MAGEA10: variants seen among roughly 807,000 people sequenced by gnomAD.
MAGEA10 encodes the protein MAGE family member A10, also known as melanoma-associated antigen 10.
Under a neutral mutation model 8.6 loss-of-function variants are expected in MAGEA10, and 7 were observed. The observed-to-expected ratio is 0.82, with a 90% CI of 0.46 to 1.53. The LOEUF is 1.53. Among genes scored for constraint, MAGEA10 ranks in the 40% most tolerant of loss-of-function variants. The probability of loss-of-function intolerance (pLI) is 0.01; values close to 1 mark genes in which losing one functional copy is unlikely to be tolerated. For synonymous variants in MAGEA10, 125 were observed against 107.4 expected, an observed-to-expected ratio of 1.16 and a Z score of -1.02; for missense variants, 293 against 274.0, an observed-to-expected ratio of 1.07 and a Z score of -0.49.
chrX:152,137,337 G>A (rs942685993), intron 1 of MAGEA10, among the ~76,000 whole-genome samples: 1 of 102,691 alleles, frequency 9.7e-6, no homozygotes, highest in African/African-American at 3.6e-5. Context: ...CCTGAGACCC[G>A]GCAGGCAGAA....
chrX:152,134,479 CT>C lies in MAGEA10; in HGVS notation c.*31del. 4 of 1,115,992 alleles carry C rather than the reference CT, an allele frequency of 3.6e-6. No individual in the cohort carries two copies. The highest frequency in any genetic ancestry group is 4.8e-6 in the Non-Finnish European group (4 of 837,889). The allele number at this position is 1,115,992 out of a possible 1,213,427, so 92.0% of individuals were successfully genotyped here. ...TAAAATCATGTGGTATTTGACTTGCCTTTTAAAACACAGTGAAGAATCTGTC... is the reference window on the plus strand; with the variant it reads ...TAAAATCATGTGGTATTTGACTTGCCTTTAAAACACAGTGAAGAATCTGTC... On this transcript the variant is annotated 3_prime_UTR_variant, in exon 4 of 4. Transcript: ENST00000370323.
chrX:152,134,859 C>T lies in MAGEA10; in HGVS notation c.762G>A (p.Gly254=). ...EVIWEALNMM[G]LYDGMEHLIY... Reference sequence around the variant, plus strand: ...TGAGGTGCTCCATCCCATCATACAGCCCCATCATATTCAGTGCTTCCCAGA... The same window carrying T: ...TGAGGTGCTCCATCCCATCATACAGTCCCATCATATTCAGTGCTTCCCAGA... Residue 254 remains glycine (G), a synonymous_variant, in exon 4 of 4, where the codon GGG becomes GGA. Transcript: ENST00000370323. The T allele has an allele frequency of 1.7e-6, 2 of 1,211,389 alleles. No individual in the cohort carries two copies. Among genetic ancestry groups the T allele is most frequent in the Non-Finnish European group, 2.2e-6 (2 of 895,307 alleles).
chrX:152,134,413 A>G lies in MAGEA10; in HGVS notation c.*98T>C, dbSNP rs1936617568. Reference sequence around the variant, plus strand: ...CTGCTCTACTCTCTACTTCCATGATACCAACTTTTTTTTTTTTTTTTTTTA... The same window carrying G: ...CTGCTCTACTCTCTACTTCCATGATGCCAACTTTTTTTTTTTTTTTTTTTA... On this transcript the variant is annotated 3_prime_UTR_variant, in exon 4 of 4. Transcript: ENST00000370323. The G allele has an allele frequency of 1.4e-6, 1 of 724,672 alleles. No individual in the cohort carries two copies. The highest frequency in any genetic ancestry group is 2.3e-5 in the African/African-American group (1 of 43,125). 59.7% of individuals were successfully genotyped at this position (724,672 alleles called of 1,213,427 possible).
intron 1 of MAGEA10, among the ~76,000 whole-genome samples, chrX:152,137,841 C>T (rs1159732145): frequency 9.1e-6 from 1 of 110,398 alleles, no homozygotes; most frequent in Non-Finnish European, 1.9e-5. Context: ...GGCTGAGGTC[C>T]CCACTGATCT....
chrX:152,137,723 TCTGCTGA>T (rs1410062653), intron 1 of MAGEA10, among the ~76,000 whole-genome samples: 1 of 109,771 alleles, frequency 9.1e-6, no homozygotes, highest in African/African-American at 3.3e-5. Context: ...GACTCCTCCC[TCTGCTGA>T]CCTGAGGCTC....
rs1484703416 is a variant in MAGEA10 at position 152,134,412 on chromosome X, T to TACC, written c.*96_*98dup. ...ACTGCTCTACTCTCTACTTCCATGA[T>TACC]ACCAACTTTTTTTTTTTTTTTTTTT... On this transcript the variant is annotated 3_prime_UTR_variant, in exon 4 of 4. Transcript: ENST00000370323. 1 of 769,007 alleles carries TACC rather than the reference T, an allele frequency of 1.3e-6. No individual in the cohort carries two copies. Among genetic ancestry groups the TACC allele is most frequent in the Non-Finnish European group, 1.9e-6 (1 of 539,751 alleles). 63.4% of individuals were successfully genotyped at this position (769,007 alleles called of 1,213,427 possible).
Position 152,134,130 on chromosome X carries a change from T to TA in MAGEA10, c.*380dup, listed in dbSNP as rs1447088911. 3.7e-5 allele frequency: 5 copies of TA among 136,894 alleles called. No homozygotes were observed. The highest frequency in any genetic ancestry group is 1.6e-4 in the African/African-American group (5 of 31,493). The allele number at this position is 136,894 out of a possible 1,213,427, so 11.3% of individuals were successfully genotyped here. On this transcript the variant is annotated 3_prime_UTR_variant, in exon 4 of 4. Transcript: ENST00000370323. ...CATAAATTAAAAAAAAACAAAAACA[T>TA]AAACAAAAACTGACATGTAATTGTA...
chrX:152,134,143 A>T lies in MAGEA10; in HGVS notation c.*368T>A, dbSNP rs753677144. 6 of 148,708 alleles carry T rather than the reference A, an allele frequency of 4.0e-5. No homozygotes were observed. Among genetic ancestry groups the T allele is most frequent in the Non-Finnish European group, 7.7e-5 (6 of 78,181 alleles). The allele number at this position is 148,708 out of a possible 1,213,427, so 12.3% of individuals were successfully genotyped here. A position where few individuals can be genotyped will look rare whatever the true frequency, so the allele number is the denominator to read the frequency against. On this transcript the variant is annotated 3_prime_UTR_variant, in exon 4 of 4. Transcript: ENST00000370323. ...AAAACAAAAACATAAACAAAAACTG[A>T]CATGTAATTGTAGATATTTATGAGG...
At chrX:152,136,241 C>G (rs752862543) in intron 2 of MAGEA10, among the ~76,000 whole-genome samples, 1 of 111,443 alleles carries the variant, frequency 9.0e-6, no homozygotes, top group Non-Finnish European at 1.9e-5. Context: ...CCTGGAAAAG[C>G]CTAGACCCTG....
chrX:152,135,378 T>C lies in MAGEA10; in HGVS notation c.243A>G (p.Pro81=). ...PEEVSADDET[P]NPPQSAQIAC... is the part of the protein sequence containing the mutation. Reference sequence around the variant, plus strand: ...CTATCTGAGCACTCTGGGGAGGATTTGGTGTCTCATCATCAGCAGAAACCT... The same window carrying C: ...CTATCTGAGCACTCTGGGGAGGATTCGGTGTCTCATCATCAGCAGAAACCT... Residue 81 remains proline, a synonymous_variant, in exon 4 of 4, where the codon CCA becomes CCG. Transcript: ENST00000370323. 1 of 1,203,673 alleles carries C rather than the reference T, an allele frequency of 8.3e-7. No individual in the cohort carries two copies. The highest frequency in any genetic ancestry group is 1.1e-6 in the Non-Finnish European group (1 of 891,464).
At chrX:152,137,731 C>T (rs887254964) in intron 1 of MAGEA10, among the ~76,000 whole-genome samples, 7 of 110,069 alleles carry the variant, frequency 6.4e-5, no homozygotes, top group Non-Finnish European at 1.3e-4. Context: ...CCTCTGCTGA[C>T]CTGAGGCTCC....
In MAGEA10 at chrX:152,136,986, AAAGT is replaced by A. The variant is rs1256784878; in HGVS notation, c.-238-21_-238-18del. ...CTCACCTCCCTGAGATTCCAAAACAAAAGTAAGAAGGAGCCACATCCTGTCATCC... is the reference window on the plus strand; with the variant it reads ...CTCACCTCCCTGAGATTCCAAAACAAAAGAAGGAGCCACATCCTGTCATCC... On this transcript the variant is annotated intron_variant, in intron 1 of 3. Transcript: ENST00000370323. 1 of 111,300 alleles carries A rather than the reference AAAGT, an allele frequency of 9.0e-6. No homozygotes were observed. Among genetic ancestry groups the A allele is most frequent in the Non-Finnish European group, 1.9e-5 (1 of 52,975 alleles). 9.2% of individuals were successfully genotyped at this position (111,300 alleles called of 1,213,427 possible). A position where few individuals can be genotyped will look rare whatever the true frequency, so the allele number is the denominator to read the frequency against.
chrX:152,134,949 A>C lies in MAGEA10; in HGVS notation c.672T>G (p.Thr224=). 8.3e-7 allele frequency: 1 copy of C among 1,210,684 alleles called. No individual in the cohort carries two copies. Among genetic ancestry groups the C allele is most frequent in the Non-Finnish European group, 1.1e-6 (1 of 894,798 alleles). ...MLSDVQSMPK[T]GILILILSIV... ...TGCTTAGGATAAGTATGAGAATGCC[A>C]GTCTTGGGCATGCTCTGGACATCAC... is the stretch of plus-strand genomic sequence containing the variant. Residue 224 remains threonine (T), a synonymous_variant, in exon 4 of 4, where the codon ACT becomes ACG. Transcript: ENST00000370323.
rs774325402 is a variant in MAGEA10 at position 152,134,697 on chromosome X, C to T, written c.924G>A (p.Lys308=). 26 of 1,208,434 alleles carry T rather than the reference C, an allele frequency of 2.2e-5. No homozygotes were observed. Among genetic ancestry groups the T allele is most frequent in the Non-Finnish European group, 2.7e-5 (24 of 894,519 alleles). ...TGGCCAAAAATTTCAGGAGACTCATCTTCCTAATTTCAGCATGAGCCCTTG... is the reference window on the plus strand; with the variant it reads ...TGGCCAAAAATTTCAGGAGACTCATTTTCCTAATTTCAGCATGAGCCCTTG... The part of the protein sequence containing the change: ...WGPRAHAEIR[K]MSLLKFLAKV... Residue 308 remains lysine, a synonymous_variant, in exon 4 of 4, where the codon AAG becomes AAA. Coordinates refer to ENST00000370323, the MANE Select transcript of MAGEA10 (RefSeq NM_021048.5).
chrX:152,134,932 A>G lies in MAGEA10; in HGVS notation c.689T>C (p.Ile230Thr), dbSNP rs745981774. Reference protein sequence around the residue: ...SMPKTGILILILSIVFIEGYC... With the variant: ...SMPKTGILILTLSIVFIEGYC... ...GCCCTCTATGAAGACTATGCTTAGG[A>G]TAAGTATGAGAATGCCAGTCTTGGG... Residue 230 changes from isoleucine (I) to threonine (T), a missense_variant, in exon 4 of 4, where the codon ATC (isoleucine) becomes ACC (threonine). By Grantham distance (89) the Ile-to-Thr change is moderately conservative (BLOSUM62 -1). Transcript: ENST00000370323. 9.1e-6 allele frequency: 11 copies of G among 1,210,684 alleles called. No individual in the cohort carries two copies. The highest frequency in any genetic ancestry group is 8.9e-5 in the East Asian group (3 of 33,786).
chrX:152,138,061 C>T lies in MAGEA10; in HGVS notation c.-239+414G>A, dbSNP rs899592594. On this transcript the variant is annotated intron_variant, in intron 1 of 3. Transcript: ENST00000370323. ...GCCTCCCTCATTTCCCAGCAGGGCC[C>T]GGGCCTTCCCTCTGCTCCCCTGAAG... 4.3e-4 allele frequency among the ~76,000 whole-genome samples: 47 copies of T among 110,217 alleles called. 1 individual carries two copies. The highest frequency in any genetic ancestry group is 9.5e-3 in the Middle Eastern group (2 of 211).
chrX:152,135,545 C>T lies in MAGEA10; in HGVS notation c.76G>A (p.Glu26Lys), dbSNP rs372755429. Residue 26 changes from glutamate to lysine, a missense_variant, in exon 4 of 4, where the codon GAG becomes AAG. By Grantham distance (56) the Glu-to-Lys change is moderately conservative. Coordinates refer to ENST00000370323, the MANE Select transcript of MAGEA10 (RefSeq NM_021048.5). ...ACAGCCAGGGGAGCCTGTGCACCCTCGAGGCCCTGTGTCTCACTTTGGGAT... is the reference window on the plus strand; with the variant it reads ...ACAGCCAGGGGAGCCTGTGCACCCTTGAGGCCCTGTGTCTCACTTTGGGAT... ...LQSQSETQGL[E>K]GAQAPLAVEE... is the part of the protein sequence containing the mutation. 81 of 1,159,106 alleles carry T rather than the reference C, an allele frequency of 7.0e-5. No individual in the cohort carries two copies. In the African/African-American group the frequency reaches 1.1e-3, roughly 15 times the overall value.
rs1172465082 is a variant in MAGEA10, at chrX:152,133,765, C to T, written c.*746G>A. 4 of 110,223 alleles carry T rather than the reference C, an allele frequency of 3.6e-5. No individual in the cohort carries two copies. Among genetic ancestry groups the T allele is most frequent in the Admixed American group, 1.9e-4 (2 of 10,322 alleles). 9.1% of individuals were successfully genotyped at this position (110,223 alleles called of 1,213,427 possible). A position where few individuals can be genotyped will look rare whatever the true frequency, so the allele number is the denominator to read the frequency against. On this transcript the variant is annotated 3_prime_UTR_variant, in exon 4 of 4. Transcript: ENST00000370323. Reference sequence around the variant, plus strand: ...TGGCCAACATGGTGAAACCCCATCTCTACTAAAAAATACAAAATTAGCCGG... The same window carrying T: ...TGGCCAACATGGTGAAACCCCATCTTTACTAAAAAATACAAAATTAGCCGG...
chrX:152,136,200 C>T (rs1603183236), intron 2 of MAGEA10: 1 of 111,494 alleles, frequency 9.0e-6, no homozygotes, highest in Non-Finnish European at 1.9e-5. Flanking sequence ...GGTGGGGAGC[C>T]TCTGTGCTCA....
Sources: allele counts gnomAD v4.1 joint callset (sites outside exome capture counted in the v4.1 genomes callset), GRCh38; gene constraint gnomAD v4.1.1; transcripts MANE v1.5; gene names NCBI Gene and HGNC (gene_info 2026-07-23, HGNC 2026-07-21).